TMEM117: variants seen among roughly 807,000 people sequenced by gnomAD.
TMEM117 encodes transmembrane protein 117.
Under a neutral mutation model 52.4 loss-of-function variants are expected in TMEM117, and 27 were observed. The observed-to-expected ratio is 0.51, with a 90% CI of 0.38 to 0.71. TMEM117 has a LOEUF of 0.71. Among genes scored for constraint, TMEM117 ranks in the 30% least tolerant of loss-of-function variants. TMEM117 has a pLI of 0.00. For missense variants in TMEM117, 556 were observed against 630.5 expected (o/e 0.88, Z 1.26); for synonymous variants, 215 against 206.3 (o/e 1.04, Z -0.36).
At chr12:44,117,751 T>C (rs976544810) in intron 3 of TMEM117, among the ~76,000 whole-genome samples, 5 of 152,114 alleles carry the variant, frequency 3.3e-5, no homozygotes, top group African/African-American at 4.8e-5. Context: ...GTTTTTGTCT[T>C]TGTGGTCAGC....
chr12:44,179,731 G>A (rs1949165117), intron 4 of TMEM117, among the ~76,000 whole-genome samples: 1 of 152,142 alleles, frequency 6.6e-6, no homozygotes. Flanking sequence ...CAGCCACCTG[G>A]GCATCCCTCA....
At chr12:43,797,798 T>C in the TMEM117 span, 2 of 1,613,512 alleles carry the variant, frequency 1.2e-6, no homozygotes, top group Non-Finnish European at 1.7e-6. Context: ...CTTGTAGTGT[T>C]TGATGCTTAG....
chr12:44,246,693 G>A (rs1243340204), intron 5 of TMEM117, among the ~76,000 whole-genome samples: 1 of 152,068 alleles, frequency 6.6e-6, no homozygotes, highest in Non-Finnish European at 1.5e-5. Context: ...AATCATTTTG[G>A]GTTAAGAAGT....
the TMEM117 span, among the ~76,000 whole-genome samples, chr12:43,824,975 G>C: frequency 7.9e-5 from 12 of 152,274 alleles, no homozygotes; most frequent in African/African-American, 2.6e-4. Context: ...CCTGTGGTAG[G>C]GTGCACTATA....
chr12:43,922,196 GTC>G (rs546041201), intron 2 of TMEM117, among the ~76,000 whole-genome samples: 49 of 151,954 alleles, frequency 3.2e-4, no homozygotes, highest in African/African-American at 1.1e-3. Context: ...CTCTGTCTCT[GTC>G]TCTCTCTCTC....
chr12:43,941,414 G>C (rs1028991151), intron 2 of TMEM117, among the ~76,000 whole-genome samples: 2 of 152,132 alleles, frequency 1.3e-5, no homozygotes, highest in Non-Finnish European at 1.5e-5. Context: ...TAATAATTAT[G>C]CCAGGACAAC....
intron 3 of TMEM117, among the ~76,000 whole-genome samples, chr12:43,968,375 A>C (rs73085734): frequency 0.047 from 7,144 of 152,322 alleles, 209 homozygotes; most frequent in Middle Eastern, 0.13. Context: ...GGAACTTACT[A>C]GCCTCCAAGG....
At chr12:43,891,972 A>G (rs1398928482) in intron 2 of TMEM117, among the ~76,000 whole-genome samples, 2 of 152,124 alleles carry the variant, frequency 1.3e-5, no homozygotes, top group African/African-American at 2.4e-5. Context: ...CTCTTGGACC[A>G]TTGCAATAGC....
At chr12:43,799,348 G>T in the TMEM117 span, 2 of 1,209,696 alleles carry the variant, frequency 1.7e-6, no homozygotes, top group African/African-American at 1.5e-5. Context: ...TAAAAATACA[G>T]TATTTTCAAA....
intron 2 of TMEM117, among the ~76,000 whole-genome samples, chr12:43,935,145 A>C (rs1209612998): frequency 6.6e-6 from 1 of 152,128 alleles, no homozygotes; most frequent in Non-Finnish European, 1.5e-5. Flanking sequence ...AGTAGCTGGG[A>C]CTACAGGTGC....
intron 3 of TMEM117, among the ~76,000 whole-genome samples, chr12:44,123,826 AGGTAGCGT>A (rs1948277752): frequency 6.6e-6 from 1 of 152,170 alleles, no homozygotes; most frequent in African/African-American, 2.4e-5. Context: ...GTTTGAAGTC[AGGTAGCGT>A]AATGCCTCCA....
intron 4 of TMEM117, among the ~76,000 whole-genome samples, chr12:44,170,763 T>C (rs575263527): frequency 2.4e-4 from 36 of 152,300 alleles, no homozygotes; most frequent in Non-Finnish European, 4.9e-4. Context: ...TAACTGTTTA[T>C]TTTGAAATAA....
At chr12:43,951,581 A>G (rs1217233942) in intron 3 of TMEM117, among the ~76,000 whole-genome samples, 1 of 152,202 alleles carries the variant, frequency 6.6e-6, no homozygotes. Flanking sequence ...CTCAGCAGGC[A>G]GGGCCTCCCT....
chr12:44,076,026 G>A (rs911484564), intron 3 of TMEM117, among the ~76,000 whole-genome samples: 1 of 152,170 alleles, frequency 6.6e-6, no homozygotes, highest in African/African-American at 2.4e-5. Flanking sequence ...ACTTCGGAGA[G>A]CCAATCAGCT....
At chr12:43,802,537 A>T in the TMEM117 span, 3 of 1,076,272 alleles carry the variant, frequency 2.8e-6, no homozygotes, top group South Asian at 4.5e-5. Context: ...GAAGACTAGA[A>T]AAATAAATAT....
intron 6 of TMEM117, among the ~76,000 whole-genome samples, chr12:44,309,010 A>G (rs912846445): frequency 5.3e-5 from 8 of 152,202 alleles, no homozygotes; most frequent in African/African-American, 1.9e-4. Context: ...AAAGCTAAGG[A>G]ACAAATTACA....
chr12:44,277,231 G>A (rs1314125699), intron 5 of TMEM117, among the ~76,000 whole-genome samples: 2 of 152,052 alleles, frequency 1.3e-5, no homozygotes, highest in Non-Finnish European at 2.9e-5. Flanking sequence ...TTTCCAGTTT[G>A]TATAGGTAAT....
intron 2 of TMEM117, among the ~76,000 whole-genome samples, chr12:43,894,193 G>A (rs1944158173): frequency 6.6e-6 from 1 of 152,100 alleles, no homozygotes; most frequent in Non-Finnish European, 1.5e-5. Flanking sequence ...GAAATTAATG[G>A]CAGCCACCTT....
At chr12:44,010,203 T>C (rs1946267180) in intron 3 of TMEM117, 1 of 504,700 alleles carries the variant, frequency 2.0e-6, no homozygotes, top group Non-Finnish European at 4.0e-6. Context: ...GGGCCACCTC[T>C]GACAAATGAG....
Sources: allele counts gnomAD v4.1 joint callset (sites outside exome capture counted in the v4.1 genomes callset), GRCh38; gene constraint gnomAD v4.1.1; transcripts MANE v1.5; gene names NCBI Gene and HGNC (gene_info 2026-07-23, HGNC 2026-07-21).